DIAPH3: variants seen among roughly 807,000 people sequenced by gnomAD.
DIAPH3 encodes protein diaphanous homolog 3.
DIAPH3 carries 117 observed loss-of-function variants against 144.3 expected under a neutral mutation model. That is an observed-to-expected ratio of 0.81 (90% CI 0.70 to 0.95). The LOEUF (loss-of-function observed/expected upper bound fraction) is 0.95, where lower values mean the gene tolerates loss of function less well. DIAPH3 is among the 40% of genes least tolerant of loss of function. The pLI is 0.00. For missense variants in DIAPH3, 1,421 were observed against 1,412.7 expected (o/e 1.01, Z -0.09); for synonymous variants, 519 against 488.9 (o/e 1.06, Z -0.81).
intron 4 of DIAPH3, among the ~76,000 whole-genome samples, chr13:60,090,079 A>G (rs1278578341): frequency 6.6e-6 from 1 of 152,084 alleles, no homozygotes; most frequent in East Asian, 1.9e-4. Context: ...AATCACATCC[A>G]ATGGCGGAAC....
chr13:59,670,950 C>A (rs983448863), intron 27 of DIAPH3, among the ~76,000 whole-genome samples: 1 of 152,162 alleles, frequency 6.6e-6, no homozygotes, highest in Admixed American at 6.5e-5. Flanking sequence ...CCCGCCTCAG[C>A]GTCACAAAGT....
At chr13:59,830,379 TCATG>T (rs1231409746) in intron 24 of DIAPH3, among the ~76,000 whole-genome samples, 1 of 151,882 alleles carries the variant, frequency 6.6e-6, no homozygotes, top group Non-Finnish European at 1.5e-5. Context: ...CTTCCAGCCT[TCATG>T]CTTATTTTTC....
Position 59,871,194 on chromosome 13 carries a change from TTG to T in DIAPH3, c.2607+8033_2607+8034del, listed in dbSNP as rs1004979821. On this transcript the variant is annotated intron_variant, in intron 21 of 27. Coordinates refer to ENST00000400324, the MANE Select transcript of DIAPH3 (RefSeq NM_001042517.2). ...GAGGTTTATTTTTTGTCCATTTTTT[TTG>T]GGGGGGGGGGTGGCGGGCATTCTAC... Among the ~76,000 whole-genome samples the T allele has an allele frequency of 1.4e-3, 127 of 92,620 alleles. 2 individuals carry two copies. In the South Asian group the frequency reaches 0.02, roughly 15 times the overall value. The allele number at this position is 92,620 out of a possible 152,430, so 60.8% of individuals were successfully genotyped here. A position where few individuals can be genotyped will look rare whatever the true frequency, so the allele number is the denominator to read the frequency against.
In DIAPH3 at chr13:59,956,340, A is replaced by G. The variant is rs146664688; in HGVS notation, c.2074+13604T>C. On this transcript the variant is annotated intron_variant, in intron 17 of 27. Transcript: ENST00000400324. The stretch of plus-strand genomic sequence containing the variant: ...GGGCCAGGGCCTTGCTGCTTTATGC[A>G]GTCTCGGGACTTGGTGCCCTGTGTC... Among the ~76,000 whole-genome samples the G allele has an allele frequency of 5.9e-5, 9 of 152,352 alleles. No individual in the cohort carries two copies. The East Asian group carries it at 1.7e-3, about 29-fold the overall frequency.
intron 25 of DIAPH3, among the ~76,000 whole-genome samples, chr13:59,807,047 T>C (rs1191680732): frequency 1.3e-5 from 2 of 151,810 alleles, no homozygotes; most frequent in African/African-American, 2.4e-5. Context: ...AAGTTGACTG[T>C]ATTATTTGTG....
rs529231789 is a variant in DIAPH3 at position 59,954,312 on chromosome 13, T to G, written c.2074+15632A>C. Among the ~76,000 whole-genome samples, 20 of 151,634 alleles carry G rather than the reference T, an allele frequency of 1.3e-4. No individual in the cohort carries two copies. The Admixed American group carries it at 1.3e-3, about 10-fold the overall frequency. On this transcript the variant is annotated intron_variant, in intron 17 of 27. Transcript: ENST00000400324. ...CTGGGCACCATCCCTGGGGTTATTATGCAAGGCACTCATTTTTCCTTTAAC... is the reference window on the plus strand; with the variant it reads ...CTGGGCACCATCCCTGGGGTTATTAGGCAAGGCACTCATTTTTCCTTTAAC...
chr13:59,921,321 AAAAAT>A (rs967118252), intron 18 of DIAPH3, among the ~76,000 whole-genome samples: 2 of 151,342 alleles, frequency 1.3e-5, no homozygotes, highest in Non-Finnish European at 3.0e-5. Flanking sequence ...CATTTTTGGA[AAAAAT>A]AAAATAATCA....
chr13:59,730,280 T>C (rs1337037157), intron 27 of DIAPH3, among the ~76,000 whole-genome samples: 8 of 152,318 alleles, frequency 5.3e-5, no homozygotes, highest in African/African-American at 1.7e-4. Context: ...TTCTATTATG[T>C]GCCTGGTTTC....
chr13:60,075,991 T>G (rs2141374578), intron 4 of DIAPH3, among the ~76,000 whole-genome samples: 1 of 152,348 alleles, frequency 6.6e-6, no homozygotes, highest in South Asian at 2.1e-4. Context: ...TCACTGCACA[T>G]GCAGGGGGTC....
rs543712380 is a variant in DIAPH3 at position 59,924,953 on chromosome 13, A to G, written c.2075-83T>C. 2.7e-6 allele frequency: 4 copies of G among 1,509,400 alleles called. No individual in the cohort carries two copies. In the South Asian group the frequency reaches 4.9e-5, roughly 19 times the overall value. The allele number at this position is 1,509,400 out of a possible 1,614,324, so 93.5% of individuals were successfully genotyped here. A position where few individuals can be genotyped will look rare whatever the true frequency, so the allele number is the denominator to read the frequency against. ...GAAAAAGTGAACTTTTTATCATTAA[A>G]TAAGCTAAAAAGGATGTAACTCTTC... On this transcript the variant is annotated intron_variant, in intron 17 of 27. Transcript: ENST00000400324.
intron 1 of DIAPH3, among the ~76,000 whole-genome samples, chr13:60,147,068 C>T (rs968318325): frequency 1.3e-5 from 2 of 152,134 alleles, no homozygotes; most frequent in East Asian, 3.8e-4. Flanking sequence ...AATCACGTTA[C>T]TGGAAGGTAG....
At chr13:59,905,033 C>T (rs904467001) in intron 20 of DIAPH3, among the ~76,000 whole-genome samples, 1 of 151,928 alleles carries the variant, frequency 6.6e-6, no homozygotes, top group Non-Finnish European at 1.5e-5. Context: ...AGAATCCTCA[C>T]TTATATTATT....
chr13:60,117,311 T>C (rs1301071141), intron 2 of DIAPH3, among the ~76,000 whole-genome samples: 1 of 151,948 alleles, frequency 6.6e-6, no homozygotes, highest in African/African-American at 2.4e-5. Context: ...AAATCCACAA[T>C]GGTCAAAATA....
chr13:59,668,686 G>T (rs2032169762), intron 27 of DIAPH3, among the ~76,000 whole-genome samples: 1 of 152,154 alleles, frequency 6.6e-6, no homozygotes, highest in Non-Finnish European at 1.5e-5. Context: ...ATAAACTTTA[G>T]TTTGAATACT....
chr13:59,889,873 T>C (rs2045680753), intron 20 of DIAPH3, among the ~76,000 whole-genome samples: 1 of 152,136 alleles, frequency 6.6e-6, no homozygotes, highest in Admixed American at 6.6e-5. Flanking sequence ...TGAAACTCAA[T>C]CTCCAACCTG....
chr13:60,111,609 C>T (rs2058569776), intron 3 of DIAPH3, among the ~76,000 whole-genome samples: 1 of 152,208 alleles, frequency 6.6e-6, no homozygotes, highest in Non-Finnish European at 1.5e-5. Flanking sequence ...GAGCATCTAA[C>T]TAATGCCTGA....
At chr13:60,025,037 C>T (rs1245302168) in intron 5 of DIAPH3, among the ~76,000 whole-genome samples, 2 of 152,066 alleles carry the variant, frequency 1.3e-5, no homozygotes, top group African/African-American at 4.8e-5. Context: ...CTCATTAATG[C>T]CATCTGTGGG....
At chr13:59,758,333 G>A (rs569972086) in intron 27 of DIAPH3, among the ~76,000 whole-genome samples, 159 of 152,324 alleles carry the variant, frequency 1.0e-3, no homozygotes, top group Non-Finnish European at 1.9e-3. Context: ...AAAAATGTGT[G>A]ATATGCCCTT....
At chr13:59,778,013 C>A (rs2038515298) in intron 25 of DIAPH3, among the ~76,000 whole-genome samples, 1 of 152,134 alleles carries the variant, frequency 6.6e-6, no homozygotes, top group Non-Finnish European at 1.5e-5. Context: ...AGTGTGATAA[C>A]TGTATTATGG....
Sources: gnomAD v4.1 joint callset for allele counts (sites outside exome capture counted in the v4.1 genomes callset) on GRCh38, gnomAD v4.1.1 for gene constraint, MANE v1.5 for transcripts, NCBI Gene and HGNC (gene_info 2026-07-23, HGNC 2026-07-21) for gene names.